The following LIPA variants were observed in gnomAD, a reference collection of about 807,000 sequenced individuals.
LIPA encodes lipase A, lysosomal acid type.
LIPA carries 26 observed loss-of-function variants against 40.6 expected under a neutral mutation model. That is an observed-to-expected ratio of 0.64 (90% CI 0.47 to 0.89). LIPA has a LOEUF of 0.89. Ranked by LOEUF, LIPA falls within the 40% of genes least tolerant of loss-of-function variation. The pLI is 0.00. For synonymous variants in LIPA, 188 were observed against 168.4 expected (o/e 1.12, Z -0.90); for missense variants, 455 against 479.6 (o/e 0.95, Z 0.48).
chr10:89,264,058 C>G (rs1169486636), intron 1 of LIPA, among the ~76,000 whole-genome samples: 1 of 152,262 alleles, frequency 6.6e-6, no homozygotes, highest in Admixed American at 6.5e-5. Flanking sequence ...GAGGGTGGCA[C>G]AGCCCTGGCT....
chr10:89,286,000 C>T (rs1198316587), intron 1 of LIPA, among the ~76,000 whole-genome samples: 1 of 152,090 alleles, frequency 6.6e-6, no homozygotes, highest in Non-Finnish European at 1.5e-5. Context: ...GACTTAAAAC[C>T]CAAATGCCTT....
chr10:89,248,409 G>C (rs940028575), intron 1 of LIPA, among the ~76,000 whole-genome samples: 1 of 142,674 alleles, frequency 7.0e-6, no homozygotes, highest in East Asian at 2.0e-4. Flanking sequence ...GCCCGCCTCC[G>C]CCTCCCAAAG....
chr10:89,228,159 A>C, intron 4 of LIPA, 41 bp downstream of exon 4: 1 of 1,545,182 alleles, frequency 6.5e-7, no homozygotes, highest in Non-Finnish European at 9.0e-7. Flanking sequence ...CTTTAAGAGT[A>C]CTAAGGAAAT....
intron 2 of LIPA, among the ~76,000 whole-genome samples, chr10:89,359,136 G>A (rs556954539): frequency 4.6e-5 from 7 of 152,234 alleles, no homozygotes; most frequent in East Asian, 1.9e-4. Context: ...AGCCCAACCC[G>A]TCCGTGATCT....
chr10:89,256,406 G>A (rs565948931), upstream of LIPA, among the ~76,000 whole-genome samples: 12 of 152,332 alleles, frequency 7.9e-5, no homozygotes, highest in East Asian at 1.9e-4. Flanking sequence ...AAGAACACAC[G>A]TAGAGATTCA....
At position 89,322,779 on chromosome 10, in the gene LIPA, C is replaced by T. The variant is rs143291203; in HGVS notation, c.-2+19832G>A. On this transcript the variant is annotated intron_variant, in intron 1 of 5. Transcript: ENST00000282673. ...CTTTCTGGATGGGGCTTGGTGCCAG[C>T]TTCCAGCCTACTGGTCCTACTTCTC... Among the ~76,000 whole-genome samples the T allele has an allele frequency of 9.4e-3, 1,435 of 152,344 alleles. 11 individuals are homozygous for T. The highest frequency in any genetic ancestry group is 0.02 in the Middle Eastern group (6 of 294).
intron 1 of LIPA, among the ~76,000 whole-genome samples, chr10:89,318,109 A>G (rs1005923842): frequency 1.4e-4 from 21 of 152,332 alleles, no homozygotes; most frequent in African/African-American, 4.6e-4. Context: ...GCCACTGCAA[A>G]ACATGTCAAA....
intron 2 of LIPA, among the ~76,000 whole-genome samples, chr10:89,380,474 C>A (rs1239959994): frequency 1.3e-5 from 2 of 150,662 alleles, no homozygotes; most frequent in African/African-American, 2.4e-5. Context: ...CTCCCTCTGT[C>A]ACCCAGTCTG....
intron 1 of LIPA, among the ~76,000 whole-genome samples, chr10:89,312,073 T>C (rs1184623959): frequency 6.6e-6 from 1 of 152,194 alleles, no homozygotes; most frequent in Non-Finnish European, 1.5e-5. Flanking sequence ...AAGTTTCTCT[T>C]TCTAGAGATG....
chr10:89,253,529 C>CTA (rs1313147082), upstream of LIPA, among the ~76,000 whole-genome samples: 1 of 152,122 alleles, frequency 6.6e-6, no homozygotes, highest in Non-Finnish European at 1.5e-5. Context: ...ATTACAGGAG[C>CTA]TATAATTCAA....
intron 8 of LIPA, among the ~76,000 whole-genome samples, chr10:89,217,667 G>C (rs1842644648): frequency 1.3e-5 from 2 of 152,184 alleles, no homozygotes; most frequent in Non-Finnish European, 1.5e-5. Flanking sequence ...AAAGTATTAA[G>C]ATGATTTCCA....
At chr10:89,288,434 T>G (rs1221785497) in intron 1 of LIPA, among the ~76,000 whole-genome samples, 1 of 152,116 alleles carries the variant, frequency 6.6e-6, no homozygotes, top group Non-Finnish European at 1.5e-5. Context: ...CCCAACCCTT[T>G]TCATTACACA....
At chr10:89,345,115 C>T (rs1234322565), upstream of LIPA, among the ~76,000 whole-genome samples, 5 of 150,864 alleles carry the variant, frequency 3.3e-5, no homozygotes, top group South Asian at 2.1e-4. Context: ...TGCAGTGAGC[C>T]GAGATCGCAC....
chr10:89,412,312 T>C (rs1841475290), intron 2 of LIPA, among the ~76,000 whole-genome samples: 1 of 152,024 alleles, frequency 6.6e-6, no homozygotes, highest in South Asian at 2.1e-4. Flanking sequence ...ACTCTGTGTG[T>C]AGCTAAAAGT....
intron 1 of LIPA, among the ~76,000 whole-genome samples, chr10:89,335,935 G>A (rs1414377404): frequency 6.6e-6 from 1 of 152,106 alleles, no homozygotes; most frequent in Non-Finnish European, 1.5e-5. Context: ...CTTTTGACTT[G>A]TAGTCCTTCA....
chr10:89,307,210 T>C, intron 1 of LIPA: 2 of 1,613,990 alleles, frequency 1.2e-6, no homozygotes, highest in Non-Finnish European at 1.7e-6. Flanking sequence ...TGCAAAAAAT[T>C]GCCAAAATGC....
chr10:89,388,041 A>G (rs188017311), intron 2 of LIPA, among the ~76,000 whole-genome samples: 1 of 152,344 alleles, frequency 6.6e-6, no homozygotes, highest in Non-Finnish European at 1.5e-5. Flanking sequence ...GTGATTTTTA[A>G]GTGCGCTGTA....
At chr10:89,279,482 G>A (rs182622974) in intron 1 of LIPA, among the ~76,000 whole-genome samples, 1 of 152,292 alleles carries the variant, frequency 6.6e-6, no homozygotes, top group African/African-American at 2.4e-5. Context: ...AAAGATGGGA[G>A]TGTAAGGGGT....
rs1381478770 is a variant in LIPA, at chr10:89,410,420, C to T, written c.61+2371G>A. Among the ~76,000 whole-genome samples the T allele has an allele frequency of 2.0e-5, 3 of 152,178 alleles. No individual in the cohort carries two copies. In the East Asian group the frequency reaches 5.8e-4, roughly 29 times the overall value. ...ACAAATTAGTCCAGACTTATGCTGC[C>T]CGAGATGATCCCTTAGAAGTCCCCT... is the stretch of plus-strand genomic sequence containing the variant. On this transcript the variant is annotated intron_variant, in intron 2 of 8. Coordinates refer to the LIPA transcript ENST00000371837.
Sources: allele counts gnomAD v4.1 joint callset (sites outside exome capture counted in the v4.1 genomes callset), GRCh38; gene constraint gnomAD v4.1.1; transcripts MANE v1.5; gene names NCBI Gene and HGNC (gene_info 2026-07-23, HGNC 2026-07-21).